The following TPX2 variants were observed in gnomAD, a reference collection of about 807,000 sequenced individuals.
TPX2 encodes targeting protein for Xklp2.
In TPX2, 21 loss-of-function variants were observed where a neutral mutation model predicts 93.6. The ratio of observed to expected loss-of-function variants is 0.22; its 90% CI spans 0.16 to 0.32. TPX2 has a LOEUF of 0.32. Ranked by LOEUF, TPX2 falls within the 10% of genes least tolerant of loss-of-function variation. The pLI, the probability that TPX2 is intolerant of heterozygous loss-of-function variation, is 1.00. For synonymous variants in TPX2, 281 were observed against 298.3 expected (o/e 0.94, Z 0.60); for missense variants, 776 against 871.1 (o/e 0.89, Z 1.37).
chr20:31,799,398 A>G (rs1008048203), intron 17 of TPX2, among the ~76,000 whole-genome samples: 2 of 152,238 alleles, frequency 1.3e-5, no homozygotes, highest in Non-Finnish European at 2.9e-5. Flanking sequence ...GTAGTTAATG[A>G]TATATTGTAT....
At chr20:31,797,539 G>T in intron 16 of TPX2, 24 bp downstream of exon 16, 1 of 1,601,526 alleles carries the variant, frequency 6.2e-7, no homozygotes, top group Non-Finnish European at 8.5e-7. Flanking sequence ...TACTCTGATG[G>T]GACTCGGGCA....
At chr20:31,784,498 C>T (rs1054912721) in intron 12 of TPX2, among the ~76,000 whole-genome samples, 7 of 152,214 alleles carry the variant, frequency 4.6e-5, no homozygotes, top group Non-Finnish European at 1.0e-4. Flanking sequence ...ACTCTAGCTA[C>T]AGAGTCTGTG....
chr20:31,762,132 T>C (rs910372190), intron 4 of TPX2, among the ~76,000 whole-genome samples: 5 of 152,166 alleles, frequency 3.3e-5, no homozygotes, highest in Non-Finnish European at 5.9e-5. Context: ...TGGATATTAG[T>C]CCCTTCTTGA....
chr20:31,781,864 G>A (rs952951415), intron 10 of TPX2, among the ~76,000 whole-genome samples: 1 of 151,894 alleles, frequency 6.6e-6, no homozygotes, highest in Non-Finnish European at 1.5e-5. Context: ...GATCACCTGA[G>A]TCCAGGGAGG....
At chr20:31,787,935 T>C (rs1421256611) in intron 12 of TPX2, among the ~76,000 whole-genome samples, 1 of 152,126 alleles carries the variant, frequency 6.6e-6, no homozygotes, top group Admixed American at 6.6e-5. Flanking sequence ...CCCAAGGAAT[T>C]TTCAAGTGGG....
intron 4 of TPX2, among the ~76,000 whole-genome samples, chr20:31,760,951 G>A (rs1056504128): frequency 6.6e-5 from 10 of 151,846 alleles, no homozygotes; most frequent in African/African-American, 2.4e-4. Context: ...TTCTTTAAGA[G>A]GTCATAAAAT....
At position 31,760,197 on chromosome 20, in the gene TPX2, A is replaced by T; in HGVS notation, c.229+18A>T. 1 of 1,612,740 alleles carries T rather than the reference A, an allele frequency of 6.2e-7. No individual in the cohort carries two copies. Among genetic ancestry groups the T allele is most frequent in the African/African-American group, 1.3e-5 (1 of 74,950 alleles). ...GAAACCAGGTAAGAAAACATCTTAGAAAAAAGCTCCTTGATAGAATGGTGG... is the reference window on the plus strand; with the variant it reads ...GAAACCAGGTAAGAAAACATCTTAGTAAAAAGCTCCTTGATAGAATGGTGG... On this transcript the variant is annotated intron_variant, in intron 4 of 17. Coordinates refer to ENST00000300403, the MANE Select transcript of TPX2 (RefSeq NM_012112.5).
At chr20:31,747,154 G>A (rs552460344) in intron 2 of TPX2, among the ~76,000 whole-genome samples, 10 of 152,210 alleles carry the variant, frequency 6.6e-5, no homozygotes, top group African/African-American at 9.6e-5. Flanking sequence ...AAGGAGTCTC[G>A]CTCTGTCCCA....
intron 4 of TPX2, among the ~76,000 whole-genome samples, chr20:31,763,046 G>C (rs957999638): frequency 6.6e-6 from 1 of 152,144 alleles, no homozygotes; most frequent in African/African-American, 2.4e-5. Context: ...CTGTTTTTAT[G>C]CCAGTACCAT....
At chr20:31,785,927 A>G (rs895207280) in intron 12 of TPX2, among the ~76,000 whole-genome samples, 1 of 152,224 alleles carries the variant, frequency 6.6e-6, no homozygotes, top group Non-Finnish European at 1.5e-5. Flanking sequence ...TTATTATTTT[A>G]AAAATCAACT....
Position 31,757,554 on chromosome 20 carries a change from A to G in TPX2, c.78A>G (p.Gly26=). 1 of 1,614,050 alleles carries G rather than the reference A, an allele frequency of 6.2e-7. No homozygotes were observed. Among genetic ancestry groups the G allele is most frequent in the African/African-American group, 1.3e-5 (1 of 75,050 alleles). ...ATTTTTCATCCTTGGATGATGAAGG[A>G]GATACTCAAAACATAGATTCATGGT... ...FINFSSLDDE[G]DTQNIDSWFE... Residue 26 remains glycine (G), a synonymous_variant, in exon 3 of 18, where the codon GGA becomes GGG. Coordinates refer to ENST00000300403, the MANE Select transcript of TPX2 (RefSeq NM_012112.5).
intron 2 of TPX2, among the ~76,000 whole-genome samples, chr20:31,746,973 A>G (rs1173264231): frequency 6.6e-6 from 1 of 152,050 alleles, no homozygotes; most frequent in Non-Finnish European, 1.5e-5. Context: ...TTACATCAGG[A>G]AACCATCTCT....
At chr20:31,775,830 C>CCT (rs1269402748) in intron 7 of TPX2, 37 bp from the exon 8 acceptor site, 1 of 1,461,306 alleles carries the variant, frequency 6.8e-7, no homozygotes, top group Non-Finnish European at 9.1e-7. Flanking sequence ...GTGCCTTTCT[C>CCT]CTCTCCTCTC....
intron 4 of TPX2, among the ~76,000 whole-genome samples, chr20:31,764,432 GTT>G (rs1254646400): frequency 6.6e-6 from 1 of 151,990 alleles, no homozygotes; most frequent in Non-Finnish European, 1.5e-5. Flanking sequence ...GCCTTCCAAA[GTT>G]CTGGGATTAC....
At chr20:31,762,881 A>G (rs898810083) in intron 4 of TPX2, among the ~76,000 whole-genome samples, 7 of 152,122 alleles carry the variant, frequency 4.6e-5, no homozygotes, top group African/African-American at 1.4e-4. Context: ...GGCTTAAACA[A>G]TCCTACCACT....
rs543755163 is a variant in TPX2 at position 31,783,105 on chromosome 20, AT to A, written c.1197-597del. ...AGTGTGATTCGTAGCATTGGAGTTT[AT>A]TTCCTGTATCCTTCTTCCATTCCTT... On this transcript the variant is annotated intron_variant, in intron 11 of 17. Coordinates refer to ENST00000300403, the MANE Select transcript of TPX2 (RefSeq NM_012112.5). 3.9e-5 allele frequency among the ~76,000 whole-genome samples: 6 copies of A among 152,126 alleles called. No individual in the cohort carries two copies. In the East Asian group the frequency reaches 9.7e-4, roughly 25 times the overall value.
In TPX2 at chr20:31,795,321, A is replaced by G. The variant is rs558336313; in HGVS notation, c.1833+773A>G. ...GCTAATTTTTGTGTTTTTAGTAGAG[A>G]CAAGGTTTTGCCATGTTGGCCAGGC... On this transcript the variant is annotated intron_variant, in intron 15 of 17. Transcript: ENST00000300403. Among the ~76,000 whole-genome samples, 13 of 152,294 alleles carry G rather than the reference A, an allele frequency of 8.5e-5. No individual in the cohort carries two copies. In the East Asian group the frequency reaches 1.9e-3, roughly 23 times the overall value.
intron 7 of TPX2, among the ~76,000 whole-genome samples, chr20:31,774,714 A>G (rs968717370): frequency 1.3e-5 from 2 of 152,118 alleles, no homozygotes; most frequent in South Asian, 4.1e-4. Context: ...CTTCTGTTAC[A>G]TGTGTTTTAT....
At chr20:31,786,916 C>G (rs723906) in intron 12 of TPX2, among the ~76,000 whole-genome samples, 284 of 152,196 alleles carry the variant, frequency 1.9e-3, no homozygotes, top group Non-Finnish European at 2.9e-3. Flanking sequence ...CGAATTGATA[C>G]GATTTGCGGA....
Sources: allele counts gnomAD v4.1 joint callset (sites outside exome capture counted in the v4.1 genomes callset), GRCh38; gene constraint gnomAD v4.1.1; transcripts MANE v1.5; gene names NCBI Gene and HGNC (gene_info 2026-07-23, HGNC 2026-07-21).